The following PIK3C2G variants were observed in gnomAD, a reference collection of about 807,000 sequenced individuals.
PIK3C2G encodes the protein phosphatidylinositol 3-kinase C2 domain-containing subunit gamma.
PIK3C2G carries 168 observed loss-of-function variants against 181.1 expected under a neutral mutation model. That is an observed-to-expected ratio of 0.93 (90% confidence interval 0.82 to 1.05). The LOEUF (loss-of-function observed/expected upper bound fraction) is 1.05, where lower values mean the gene tolerates loss of function less well. PIK3C2G is among the 50% of genes least tolerant of loss of function. The probability of loss-of-function intolerance (pLI) is 0.00; values close to 1 mark genes in which losing one functional copy is unlikely to be tolerated. For missense variants in PIK3C2G, 1,869 were observed against 1,732.8 expected, an observed-to-expected ratio of 1.08 and a Z score of -1.40; for synonymous variants, 573 against 592.2, an observed-to-expected ratio of 0.97 and a Z score of 0.47.
At chr12:18,713,038 A>G in the PIK3C2G span, 1 of 1,595,568 alleles carries the variant, frequency 6.3e-7, no homozygotes, top group Non-Finnish European at 8.6e-7. Flanking sequence ...TTAAAAATAT[A>G]TACCAAAGTA....
At chr12:18,443,266 C>A (rs920865648) in intron 18 of PIK3C2G, among the ~76,000 whole-genome samples, 2 of 152,048 alleles carry the variant, frequency 1.3e-5, no homozygotes, top group Non-Finnish European at 2.9e-5. Context: ...CATAAGAGTA[C>A]CTACTCTGTA....
At chr12:18,457,129 A>G (rs531813052) in intron 18 of PIK3C2G, among the ~76,000 whole-genome samples, 11 of 152,302 alleles carry the variant, frequency 7.2e-5, no homozygotes, top group African/African-American at 2.6e-4. Context: ...AGGAGACAAG[A>G]CCAAACTGGA....
At chr12:18,724,658 C>T in the PIK3C2G span, among the ~76,000 whole-genome samples, 1 of 151,974 alleles carries the variant, frequency 6.6e-6, no homozygotes, top group Non-Finnish European at 1.5e-5. Context: ...TGTTCATTAC[C>T]TTACTTAAAT....
the PIK3C2G span, among the ~76,000 whole-genome samples, chr12:18,704,595 G>A: frequency 6.6e-6 from 1 of 152,094 alleles, no homozygotes; most frequent in Non-Finnish European, 1.5e-5. Flanking sequence ...CCAAGGTGCT[G>A]GGATTACAGG....
intron 5 of PIK3C2G, among the ~76,000 whole-genome samples, chr12:18,305,161 C>A (rs1175206084): frequency 6.6e-6 from 1 of 152,134 alleles, no homozygotes; most frequent in East Asian, 1.9e-4. Flanking sequence ...ACCATACAAA[C>A]CTGCATTTGG....
chr12:18,365,482 A>G (rs926442741), intron 12 of PIK3C2G, among the ~76,000 whole-genome samples: 15 of 152,106 alleles, frequency 9.9e-5, no homozygotes, highest in African/African-American at 3.4e-4. Flanking sequence ...ACTGAATCCA[A>G]TGTTTGTTTC....
intron 31 of PIK3C2G, among the ~76,000 whole-genome samples, chr12:18,621,317 A>G (rs755172929): frequency 2.0e-5 from 3 of 151,964 alleles, no homozygotes; most frequent in Non-Finnish European, 4.4e-5. Flanking sequence ...GAAGTTTAAA[A>G]CCTTACTTCT....
Position 18,399,833 on chromosome 12 carries a change from G to A in PIK3C2G, c.2301G>A (p.Gly767=), listed in dbSNP as rs1329141854. 3.8e-6 allele frequency: 6 copies of A among 1,577,410 alleles called. No individual in the cohort carries two copies. The highest frequency in any genetic ancestry group is 5.2e-6 in the Non-Finnish European group (6 of 1,155,674). ...TTTCTCAACCTTTAGAGGCTCTTGG[G>A]CTTTTGACTTCCAGGTAAGAATTGC... ...WTFSQPLEAL[G]LLTSSFPDQE... is the part of the protein sequence containing the mutation. The change falls in exon 16 of 33, where the codon GGG becomes GGA. Residue 767 remains glycine, a synonymous_variant. Coordinates refer to ENST00000538779, the MANE Select transcript of PIK3C2G (RefSeq NM_001288772.2).
At chr12:18,258,846 T>C (rs1948174825), upstream of PIK3C2G, among the ~76,000 whole-genome samples, 1 of 152,144 alleles carries the variant, frequency 6.6e-6, no homozygotes, top group Admixed American at 6.6e-5. Flanking sequence ...TTTTGGAATG[T>C]CTAAAAGCTC....
intron 26 of PIK3C2G, among the ~76,000 whole-genome samples, chr12:18,550,186 C>T (rs1008542655): frequency 6.6e-6 from 1 of 152,042 alleles, no homozygotes; most frequent in African/African-American, 2.4e-5. Flanking sequence ...GAGGGGCCAG[C>T]AGCCTCCATT....
chr12:18,635,956 C>T (rs1371627958), intron 31 of PIK3C2G, among the ~76,000 whole-genome samples: 1 of 152,156 alleles, frequency 6.6e-6, no homozygotes, highest in Non-Finnish European at 1.5e-5. Flanking sequence ...TCAACATGCT[C>T]CACACCACTG....
intron 12 of PIK3C2G, among the ~76,000 whole-genome samples, chr12:18,369,664 AATTG>A (rs1941904214): frequency 1.1e-5 from 1 of 91,298 alleles, no homozygotes; most frequent in Non-Finnish European, 2.0e-5. Context: ...ACGGTCGTAT[AATTG>A]ACATATGATC....
At chr12:18,641,612 T>C (rs1949841118) in intron 32 of PIK3C2G, among the ~76,000 whole-genome samples, 1 of 152,080 alleles carries the variant, frequency 6.6e-6, no homozygotes, top group East Asian at 1.9e-4. Flanking sequence ...TGAAGTCACA[T>C]GATCCATCCT....
rs185724136 is a variant in PIK3C2G at position 18,558,750 on chromosome 12, A to T, written c.3591-3953A>T. On this transcript the variant is annotated intron_variant, in intron 26 of 32. Transcript: ENST00000538779. ...CAGCTCATCTTTCAGTGAGATGAGC[A>T]CTTTTCAGTGGGCATCCTATTTAAA... Among the ~76,000 whole-genome samples the T allele has an allele frequency of 2.0e-5, 3 of 152,334 alleles. No individual in the cohort carries two copies. The East Asian group carries it at 5.8e-4, about 29-fold the overall frequency.
intron 9 of PIK3C2G, among the ~76,000 whole-genome samples, chr12:18,342,546 A>G (rs1436297451): frequency 6.6e-6 from 1 of 151,616 alleles, no homozygotes; most frequent in Non-Finnish European, 1.5e-5. Context: ...AAAAATTTTA[A>G]TGTTAATTAA....
intron 30 of PIK3C2G, among the ~76,000 whole-genome samples, chr12:18,608,554 T>C (rs190519193): frequency 1.5e-3 from 146 of 97,552 alleles, no homozygotes; most frequent in Admixed American, 5.2e-3. Context: ...CTGGGGCCTG[T>C]TGTGGGGTGG....
intron 24 of PIK3C2G, among the ~76,000 whole-genome samples, chr12:18,521,587 T>C (rs1019604469): frequency 1.3e-4 from 20 of 152,212 alleles, no homozygotes; most frequent in African/African-American, 3.4e-4. Flanking sequence ...GACCAAGCTT[T>C]CCAGCCTCCT....
intron 29 of PIK3C2G, among the ~76,000 whole-genome samples, chr12:18,580,156 G>A (rs1946426646): frequency 6.6e-6 from 1 of 150,874 alleles, no homozygotes; most frequent in Admixed American, 6.6e-5. Context: ...GAGAGAGAGA[G>A]AGTAATAGAA....
chr12:18,550,473 G>A (rs1471370098), intron 26 of PIK3C2G, among the ~76,000 whole-genome samples: 2 of 151,742 alleles, frequency 1.3e-5, no homozygotes, highest in African/African-American at 4.8e-5. Context: ...GATATCACAT[G>A]GATTTTAAAA....
Sources: allele counts gnomAD v4.1 joint callset (sites outside exome capture counted in the v4.1 genomes callset), GRCh38; gene constraint gnomAD v4.1.1; transcripts MANE v1.5; gene names NCBI Gene and HGNC (gene_info 2026-07-23, HGNC 2026-07-21).